CWC25: variants seen among roughly 807,000 people sequenced by gnomAD.
CWC25 encodes CWC25 spliceosome associated protein.
A neutral mutation model predicts 54.6 loss-of-function variants in CWC25; 31 were observed. The observed-to-expected ratio is 0.57, with a 90% CI of 0.43 to 0.77. The LOEUF is 0.77. CWC25 is among the 30% of genes least tolerant of loss of function. The pLI is 0.00. For missense variants in CWC25, 453 were observed against 529.3 expected (o/e 0.86, Z 1.41); for synonymous variants, 151 against 187.0 (o/e 0.81, Z 1.57).
At chr17:38,825,038 G>A in intron 1 of CWC25, 128 bp downstream of exon 1, 1 of 853,030 alleles carries the variant, frequency 1.2e-6, no homozygotes, top group Non-Finnish European at 1.8e-6. Flanking sequence ...CCTCTTCAGG[G>A]CAACGGCCTC....
chr17:38,815,270 T>A (rs1567673919), intron 2 of CWC25, among the ~76,000 whole-genome samples, 173 bp from the exon 3 acceptor site: 1 of 152,104 alleles, frequency 6.6e-6, no homozygotes, highest in Admixed American at 6.6e-5. Flanking sequence ...AAAGAAATAG[T>A]GCGGGTTGCG....
intron 4 of CWC25, among the ~76,000 whole-genome samples, chr17:38,811,774 A>G (rs778916561): frequency 9.9e-5 from 15 of 152,136 alleles, no homozygotes; most frequent in Non-Finnish European, 1.9e-4. Context: ...GTTTTTAAAC[A>G]GTCACCAAAA....
chr17:38,814,141 G>A (rs908405267), intron 3 of CWC25, among the ~76,000 whole-genome samples: 3 of 152,054 alleles, frequency 2.0e-5, no homozygotes, highest in African/African-American at 2.4e-5. Flanking sequence ...GATTACAGGC[G>A]TGAGCCACTG....
chr17:38,815,122 TACA>T (rs780264956), intron 2 of CWC25, 25 bp from the exon 3 acceptor site: 2 of 1,594,102 alleles, frequency 1.3e-6, no homozygotes, highest in Non-Finnish European at 1.7e-6. Context: ...GAAAAAGAAA[TACA>T]ATTTCTTTAA....
chr17:38,804,680 C>T (rs909010531), intron 8 of CWC25, among the ~76,000 whole-genome samples: 3 of 150,638 alleles, frequency 2.0e-5, no homozygotes, highest in Non-Finnish European at 4.4e-5. Context: ...TGGTGGCATG[C>T]GCCTGTAGTC....
intron 8 of CWC25, among the ~76,000 whole-genome samples, chr17:38,803,653 C>T (rs1233138192): frequency 6.0e-5 from 9 of 150,384 alleles, no homozygotes; most frequent in Admixed American, 3.3e-4. Context: ...AACCTCCAAA[C>T]GAAAAACAAT....
Position 38,803,730 on chromosome 17 carries a change from G to T in CWC25, c.1002-869C>A, listed in dbSNP as rs201145236. 2.7e-3 allele frequency among the ~76,000 whole-genome samples: 383 copies of T among 140,120 alleles called. 2 individuals are homozygous for T. Among genetic ancestry groups the T allele is most frequent in the East Asian group, 0.013 (64 of 4,866 alleles). The allele number at this position is 140,120 out of a possible 152,430, so 91.9% of individuals were successfully genotyped here. A position where few individuals can be genotyped will look rare whatever the true frequency, so the allele number is the denominator to read the frequency against. On this transcript the variant is annotated intron_variant, in intron 8 of 9. Coordinates refer to ENST00000614790, the MANE Select transcript of CWC25 (RefSeq NM_017748.5). ...TAGAGCATTCAAATGAGAGTAGGAG[G>T]CTTAAAAAAAAAAAACAAAAACGAT...
At chr17:38,821,432 C>T (rs192529987) in intron 1 of CWC25, among the ~76,000 whole-genome samples, 2 of 152,114 alleles carry the variant, frequency 1.3e-5, no homozygotes, top group Middle Eastern at 3.2e-3. Flanking sequence ...GTGGCAGGTG[C>T]GCCTGTAGTC....
intron 2 of CWC25, among the ~76,000 whole-genome samples, chr17:38,816,606 G>C (rs1165871223): frequency 6.6e-6 from 1 of 151,918 alleles, no homozygotes; most frequent in Non-Finnish European, 1.5e-5. Flanking sequence ...TAACAACTGT[G>C]AGCATAAAGA....
chr17:38,815,480 C>G (rs1045186291), intron 2 of CWC25: 2 of 419,674 alleles, frequency 4.8e-6, no homozygotes. Flanking sequence ...TCACTTGAAC[C>G]TGGGAGGCAG....
intron 6 of CWC25, 117 bp from the exon 7 acceptor site, chr17:38,807,093 G>A (rs544910635): frequency 3.1e-5 from 21 of 680,076 alleles, no homozygotes; most frequent in Non-Finnish European, 3.8e-5. Context: ...AGGCCGAGGC[G>A]GGGGGGATCA....
chr17:38,800,482 T>TA lies in CWC25; in HGVS notation c.*1609dup, dbSNP rs3834561. The TA allele has an allele frequency of 0.13, 20,470 of 152,124 alleles. 3,959 individuals are homozygous for TA. The highest frequency in any genetic ancestry group is 0.43 in the African/African-American group (17,841 of 41,422). The allele number at this position is 152,124 out of a possible 1,614,324, so 9.4% of individuals were successfully genotyped here. A position where few individuals can be genotyped will look rare whatever the true frequency, so the allele number is the denominator to read the frequency against. ...AATAAATGTGGCCTTTATTACCAAT[T>TA]ATAAAATAAACATAATTAACCCCGG... On this transcript the variant is annotated 3_prime_UTR_variant, in exon 10 of 10. Transcript: ENST00000614790.
intron 9 of CWC25, 129 bp from the exon 10 acceptor site, chr17:38,802,335 A>G (rs1370704017): frequency 1.6e-6 from 1 of 632,186 alleles, no homozygotes; most frequent in African/African-American, 1.8e-5. Context: ...TTAAGCTCCC[A>G]TAGATAACTT....
intron 5 of CWC25, among the ~76,000 whole-genome samples, chr17:38,810,115 T>TA (rs35023028): frequency 1.3e-5 from 2 of 151,980 alleles, no homozygotes; most frequent in African/African-American, 4.8e-5. Flanking sequence ...ATCAGTCCAT[T>TA]AAAAAAAGCC....
intron 8 of CWC25, among the ~76,000 whole-genome samples, chr17:38,804,431 AG>A (rs1911145666): frequency 3.9e-5 from 6 of 152,100 alleles, no homozygotes; most frequent in Admixed American, 2.6e-4. Context: ...ACACTTTGGG[AG>A]GCCAAGGCAG....
At chr17:38,811,184 T>G (rs1911470918) in intron 4 of CWC25, among the ~76,000 whole-genome samples, 1 of 151,000 alleles carries the variant, frequency 6.6e-6, no homozygotes, top group South Asian at 2.1e-4. Flanking sequence ...TGAGCTGAGA[T>G]CACGCCACTG....
In CWC25 at chr17:38,812,840, T is replaced by G; in HGVS notation, c.453A>C (p.Arg151=). Residue 151 remains arginine, a synonymous_variant, in exon 4 of 10, where the codon CGA becomes CGC. Coordinates refer to ENST00000614790, the MANE Select transcript of CWC25 (RefSeq NM_017748.5). ...TTTTCACTGGATTATTTAATACCTC[T>G]CGTTTTTTCTCCTCCTCCTTCTTCC... is the stretch of plus-strand genomic sequence containing the variant. ...IIRKKEEEKK[R]EVLNNPVKMK... The G allele has an allele frequency of 6.6e-7, 1 of 1,524,382 alleles. No individual in the cohort carries two copies. Among genetic ancestry groups the G allele is most frequent in the African/African-American group, 1.4e-5 (1 of 72,582 alleles). The allele number at this position is 1,524,382 out of a possible 1,614,324, so 94.4% of individuals were successfully genotyped here.
chr17:38,821,600 G>A (rs934019901), intron 1 of CWC25, among the ~76,000 whole-genome samples: 9 of 152,112 alleles, frequency 5.9e-5, no homozygotes, highest in South Asian at 2.1e-4. Flanking sequence ...AGGATAGAAC[G>A]GGTCCTTCCT....
At chr17:38,816,989 C>A (rs1423594572) in intron 2 of CWC25, among the ~76,000 whole-genome samples, 1 of 127,792 alleles carries the variant, frequency 7.8e-6, no homozygotes, top group Non-Finnish European at 1.6e-5. Context: ...GCCCCAAGAC[C>A]CTTTAGAATT....
Sources: allele counts gnomAD v4.1 joint callset (sites outside exome capture counted in the v4.1 genomes callset), GRCh38; gene constraint gnomAD v4.1.1; transcripts MANE v1.5; gene names NCBI Gene and HGNC (gene_info 2026-07-23, HGNC 2026-07-21).